Variants in VSNL1 observed in about 807,000 individuals in gnomAD.
VSNL1 encodes visinin like 1, also known as visinin-like protein 1.
A neutral mutation model predicts 20.4 loss-of-function variants in VSNL1; 6 were observed. The ratio of observed to expected loss-of-function variants is 0.29; its 90% confidence interval spans 0.16 to 0.58. The LOEUF (loss-of-function observed/expected upper bound fraction) is 0.58, where lower values mean the gene tolerates loss of function less well. Among genes scored for constraint, VSNL1 ranks in the 20% least tolerant of loss-of-function variants. VSNL1 has a pLI of 0.90. For missense variants in VSNL1, 100 were observed against 234.5 expected, an observed-to-expected ratio of 0.43 and a Z score of 3.75; for synonymous variants, 93 against 86.4, an observed-to-expected ratio of 1.08 and a Z score of -0.42.
chr2:17,624,932 G>A (rs977475355), intron 2 of VSNL1, among the ~76,000 whole-genome samples: 16 of 152,160 alleles, frequency 1.1e-4, no homozygotes, highest in African/African-American at 1.9e-4. Flanking sequence ...TATGGGGCTC[G>A]ATATGGTTTG....
At chr2:17,612,949 C>CCAGTG (rs564451485) in intron 2 of VSNL1, among the ~76,000 whole-genome samples, 88 of 152,254 alleles carry the variant, frequency 5.8e-4, no homozygotes, top group East Asian at 2.3e-3. Context: ...GAAGGTGCTT[C>CCAGTG]CAGTGCAGTG....
chr2:17,629,899 T>C (rs1449718275), intron 2 of VSNL1, among the ~76,000 whole-genome samples: 1 of 152,178 alleles, frequency 6.6e-6, no homozygotes, highest in East Asian at 1.9e-4. Flanking sequence ...GTGATTTCTC[T>C]CTCAGTGTGG....
intron 2 of VSNL1, among the ~76,000 whole-genome samples, chr2:17,638,572 C>T (rs567480914): frequency 1.3e-5 from 2 of 152,282 alleles, no homozygotes; most frequent in Admixed American, 1.3e-4. Flanking sequence ...GAGCCTGCTC[C>T]TCCTTCCCAC....
At chr2:17,582,927 C>T (rs1461705957) in intron 1 of VSNL1, among the ~76,000 whole-genome samples, 3 of 152,060 alleles carry the variant, frequency 2.0e-5, no homozygotes, top group Non-Finnish European at 2.9e-5. Context: ...AATGAATTGA[C>T]TCATTTTCAG....
intron 2 of VSNL1, among the ~76,000 whole-genome samples, chr2:17,619,354 A>C (rs1665293546): frequency 6.6e-6 from 1 of 152,110 alleles, no homozygotes; most frequent in Non-Finnish European, 1.5e-5. Context: ...TCAGCAGGCT[A>C]ATTTTTCTTG....
intron 1 of VSNL1, among the ~76,000 whole-genome samples, chr2:17,590,459 G>A (rs1462027489): frequency 6.6e-6 from 1 of 152,272 alleles, no homozygotes; most frequent in East Asian, 1.9e-4. Flanking sequence ...CTTGAATTCA[G>A]AGCAAAAATA....
intron 1 of VSNL1, among the ~76,000 whole-genome samples, chr2:17,577,271 G>A (rs756331347): frequency 6.6e-6 from 1 of 152,122 alleles, no homozygotes; most frequent in Non-Finnish European, 1.5e-5. Flanking sequence ...TATATTTTCA[G>A]TTTCTGATAG....
At chr2:17,542,731 G>A (rs929646490) in intron 1 of VSNL1, among the ~76,000 whole-genome samples, 3 of 152,152 alleles carry the variant, frequency 2.0e-5, no homozygotes, top group Non-Finnish European at 2.9e-5. Context: ...TGTTGACACT[G>A]CATTGATAAA....
chr2:17,629,399 C>T (rs1365956806), intron 2 of VSNL1, among the ~76,000 whole-genome samples: 1 of 152,242 alleles, frequency 6.6e-6, no homozygotes, highest in African/African-American at 2.4e-5. Flanking sequence ...CCCATATCAG[C>T]AGTCCTTCAC....
At position 17,592,734 on chromosome 2, in the gene VSNL1, A is replaced by AT. The variant is rs1166033362; in HGVS notation, c.162+501dup. Among the ~76,000 whole-genome samples, 7 of 139,570 alleles carry AT rather than the reference A, an allele frequency of 5.0e-5. No homozygotes were observed. In the South Asian group the frequency reaches 1.6e-3, roughly 33 times the overall value. The allele number at this position is 139,570 out of a possible 152,430, so 91.6% of individuals were successfully genotyped here. A position where few individuals can be genotyped will look rare whatever the true frequency, so the allele number is the denominator to read the frequency against. ...AGAACCCAGATTCCCACAACAGAACATTTAGAAAAGGGGTGGGGGAGTGTA... is the reference window on the plus strand; with the variant it reads ...AGAACCCAGATTCCCACAACAGAACATTTTAGAAAAGGGGTGGGGGAGTGTA... On this transcript the variant is annotated intron_variant, in intron 2 of 3. Coordinates refer to ENST00000295156, the MANE Select transcript of VSNL1 (RefSeq NM_003385.5).
At chr2:17,652,194 T>C (rs1666136667) in intron 3 of VSNL1, among the ~76,000 whole-genome samples, 4 of 131,432 alleles carry the variant, frequency 3.0e-5, no homozygotes, top group Admixed American at 1.4e-4. Flanking sequence ...AGAATATAAA[T>C]AGAAAAGAGG....
At chr2:17,609,818 G>A (rs1665041379) in intron 2 of VSNL1, among the ~76,000 whole-genome samples, 1 of 152,116 alleles carries the variant, frequency 6.6e-6, no homozygotes, top group Admixed American at 6.5e-5. Context: ...TAGGTGATGG[G>A]GTTCATTTTG....
At chr2:17,585,472 G>T (rs1245275069) in intron 1 of VSNL1, among the ~76,000 whole-genome samples, 1 of 152,102 alleles carries the variant, frequency 6.6e-6, no homozygotes, top group Non-Finnish European at 1.5e-5. Flanking sequence ...CAGCAATCCG[G>T]TGTCAGTTGT....
intron 2 of VSNL1, among the ~76,000 whole-genome samples, chr2:17,637,535 C>T (rs571101376): frequency 6.6e-6 from 1 of 152,206 alleles, no homozygotes; most frequent in South Asian, 2.1e-4. Flanking sequence ...CAGCTACCAT[C>T]CAGCCCCCAA....
Position 17,623,526 on chromosome 2 carries a change from A to G in VSNL1, c.163-25884A>G, listed in dbSNP as rs561849320. ...CTACTAAAAATACAAAAAAATTAGC[A>G]GGGAGTGGTGGCAGGTGCCTGTAGT... On this transcript the variant is annotated intron_variant, in intron 2 of 3. Transcript: ENST00000295156. 1.6e-4 allele frequency among the ~76,000 whole-genome samples: 25 copies of G among 152,066 alleles called. No homozygotes were observed. The South Asian group carries it at 5.0e-3, about 30-fold the overall frequency.
intron 2 of VSNL1, among the ~76,000 whole-genome samples, chr2:17,617,414 T>C (rs908001337): frequency 6.6e-6 from 1 of 152,034 alleles, no homozygotes; most frequent in African/African-American, 2.4e-5. Context: ...GAGAATCCCT[T>C]GAACCTGGGA....
At chr2:17,540,465 T>A (rs1180359394), upstream of VSNL1, among the ~76,000 whole-genome samples, 6 of 152,238 alleles carry the variant, frequency 3.9e-5, no homozygotes, top group Non-Finnish European at 5.9e-5. Context: ...CCTTTTGAGC[T>A]TTTGCTAAAA....
At chr2:17,642,555 G>A (rs554408375) in intron 2 of VSNL1, among the ~76,000 whole-genome samples, 16 of 152,156 alleles carry the variant, frequency 1.1e-4, no homozygotes, top group African/African-American at 2.4e-4. Flanking sequence ...TGATCTGCCC[G>A]CCTCAGCCTC....
chr2:17,587,095 A>C (rs3107288), intron 1 of VSNL1, among the ~76,000 whole-genome samples: 18 of 152,114 alleles, frequency 1.2e-4, no homozygotes, highest in Non-Finnish European at 2.5e-4. Context: ...CTTTGCTCTC[A>C]GCCCTATTTC....
Sources: gnomAD v4.1 joint callset for allele counts (sites outside exome capture counted in the v4.1 genomes callset) on GRCh38, gnomAD v4.1.1 for gene constraint, MANE v1.5 for transcripts, NCBI Gene and HGNC (gene_info 2026-07-23, HGNC 2026-07-21) for gene names.